SPATA13: variants seen among roughly 807,000 people sequenced by gnomAD.
SPATA13 encodes the protein spermatogenesis-associated protein 13.
SPATA13 carries 50 observed loss-of-function variants against 104.0 expected under a neutral mutation model. The ratio of observed to expected loss-of-function variants is 0.48; its 90% confidence interval spans 0.38 to 0.61. The LOEUF (loss-of-function observed/expected upper bound fraction) is 0.61. Among genes scored for constraint, SPATA13 ranks in the 20% least tolerant of loss-of-function variants. The probability of loss-of-function intolerance (pLI) is 0.00; values close to 1 mark genes in which losing one functional copy is unlikely to be tolerated. For synonymous variants in SPATA13, 606 were observed against 667.5 expected, an observed-to-expected ratio of 0.91 and a Z score of 1.42; for missense variants, 1,524 against 1,690.6, an observed-to-expected ratio of 0.90 and a Z score of 1.73.
intron 3 of SPATA13, among the ~76,000 whole-genome samples, chr13:24,049,356 C>T (rs1878257486): frequency 6.6e-6 from 1 of 152,202 alleles, no homozygotes. Context: ...GCCTACAGTA[C>T]TCAGTACAGT....
Position 24,011,976 on chromosome 13 carries a change from A to G in SPATA13, c.-146-5691A>G, listed in dbSNP as rs547268533. Among the ~76,000 whole-genome samples the G allele has an allele frequency of 3.9e-4, 60 of 152,366 alleles. No homozygotes were observed. Among genetic ancestry groups the G allele is most frequent in the African/African-American group, 1.3e-3 (56 of 41,596 alleles). Reference sequence around the variant, plus strand: ...TACGGATTGTAAAACTCACAGGCACAGGGACCGGGGCTTGCCCACCACCCT... The same window carrying G: ...TACGGATTGTAAAACTCACAGGCACGGGGACCGGGGCTTGCCCACCACCCT... On this transcript the variant is annotated intron_variant, in intron 2 of 14. Coordinates refer to the SPATA13 transcript ENST00000424834. This position sits in a 1 kb window ranked among gnomAD's most constrained non-coding sequence, Gnocchi z 4.3.
intron 3 of SPATA13, among the ~76,000 whole-genome samples, chr13:24,066,598 A>T (rs1455912161): frequency 6.6e-6 from 1 of 152,134 alleles, no homozygotes; most frequent in Admixed American, 6.5e-5. Flanking sequence ...CATGGAGGGG[A>T]CAGCAGGTGC....
intron 3 of SPATA13, among the ~76,000 whole-genome samples, chr13:24,130,596 G>T (rs1881363418): frequency 6.6e-6 from 1 of 152,204 alleles, no homozygotes; most frequent in Admixed American, 6.5e-5. Context: ...GAAGTTTAAA[G>T]GTGGCCAGCT....
At chr13:24,023,959 A>C (rs1877091902) in intron 3 of SPATA13, among the ~76,000 whole-genome samples, 1 of 152,232 alleles carries the variant, frequency 6.6e-6, no homozygotes, top group Non-Finnish European at 1.5e-5. Flanking sequence ...GGACGCTAAT[A>C]TCATAGTCAG....
intron 1 of SPATA13, among the ~76,000 whole-genome samples, chr13:24,212,847 T>C (rs1465097360): frequency 6.6e-6 from 1 of 152,252 alleles, no homozygotes; most frequent in Non-Finnish European, 1.5e-5. Flanking sequence ...CTTGTGTTAT[T>C]GACCCCTGAA....
chr13:24,137,430 T>TA (rs1258498143), intron 3 of SPATA13, among the ~76,000 whole-genome samples: 2 of 152,196 alleles, frequency 1.3e-5, no homozygotes, highest in Admixed American at 6.5e-5. Flanking sequence ...TAAAAATACT[T>TA]ACAACCTTCT....
chr13:24,143,454 G>T (rs550051636), intron 3 of SPATA13, among the ~76,000 whole-genome samples: 1 of 152,178 alleles, frequency 6.6e-6, no homozygotes, highest in African/African-American at 2.4e-5. Context: ...TGCTGGCAGT[G>T]CTCTCATTCC....
At chr13:23,982,941 C>T (rs938498610) in intron 1 of SPATA13, among the ~76,000 whole-genome samples, 7 of 152,162 alleles carry the variant, frequency 4.6e-5, no homozygotes, top group Non-Finnish European at 8.8e-5. Context: ...GCTGCTCTGC[C>T]GTCTGGGAAG....
intron 2 of SPATA13, among the ~76,000 whole-genome samples, chr13:23,990,479 CT>C (rs1875361855): frequency 6.6e-6 from 1 of 152,150 alleles, no homozygotes; most frequent in Non-Finnish European, 1.5e-5. Flanking sequence ...GTTTCAGCAC[CT>C]TTGAATCTGC....
At chr13:24,034,717 G>A (rs1049692292) in intron 3 of SPATA13, 6 of 152,224 alleles carry the variant, frequency 3.9e-5, no homozygotes, top group African/African-American at 1.2e-4. Flanking sequence ...CAGTGGGTAC[G>A]GCACCTACAC....
At chr13:24,023,924 G>A (rs1485910226) in intron 3 of SPATA13, among the ~76,000 whole-genome samples, 2 of 152,202 alleles carry the variant, frequency 1.3e-5, no homozygotes, top group African/African-American at 4.8e-5. Flanking sequence ...GATTTGTTCA[G>A]CAGCAGCAGG....
rs1233825323 is a variant in SPATA13 at position 24,284,245 on chromosome 13, G to A, written c.2275G>A (p.Gly759Ser). 7 of 1,613,456 alleles carry A rather than the reference G, an allele frequency of 4.3e-6. No individual in the cohort carries two copies. The highest frequency in any genetic ancestry group is 2.2e-5 in the South Asian group (2 of 91,004). ...GGCCAGCCCTCGGTACCTGCAGCCCGGCGGGGAGCAGCTGGCCATCAATGA... is the reference window on the plus strand; with the variant it reads ...GGCCAGCCCTCGGTACCTGCAGCCCAGCGGGGAGCAGCTGGCCATCAATGA... ...CQASPRYLQP[G>S]GEQLAINELI... The change falls in exon 5 of 13, where the codon GGC becomes AGC. Residue 759 changes from glycine to serine, a missense_variant. Gly to Ser is a moderately conservative substitution (Grantham distance 56). Around this residue, in one of 2 missense-constraint regions of SPATA13, gnomAD observed 1,089 missense variants for 1,135.9 expected, o/e 0.96. Transcript: ENST00000382108.
At chr13:24,213,670 T>C (rs1421085556) in intron 1 of SPATA13, among the ~76,000 whole-genome samples, 1 of 152,236 alleles carries the variant, frequency 6.6e-6, no homozygotes, top group Admixed American at 6.5e-5. Context: ...CATCTTTTCA[T>C]AGAAGTATGA....
At chr13:24,169,708 C>G (rs1245340522) in intron 1 of SPATA13, among the ~76,000 whole-genome samples, 1 of 152,198 alleles carries the variant, frequency 6.6e-6, no homozygotes, top group Non-Finnish European at 1.5e-5. Flanking sequence ...TCCTCTCACT[C>G]AAGCTCTCTG....
rs56078056 is a variant in SPATA13 at position 24,286,168 on chromosome 13, G to T, written c.2302-46G>T. On this transcript the variant is annotated intron_variant, in intron 5 of 12. Transcript: ENST00000382108. This position sits in a 1 kb window ranked among gnomAD's most constrained non-coding sequence, Gnocchi z 4.9. ...CACCTAGTGGCTCCCTCACCATCCCGCCCACTCGTGCTCTATGCTGAGCGC... is the reference window on the plus strand; with the variant it reads ...CACCTAGTGGCTCCCTCACCATCCCTCCCACTCGTGCTCTATGCTGAGCGC... The T allele has an allele frequency of 3.1e-5, 48 of 1,535,830 alleles. No individual in the cohort carries two copies. Among genetic ancestry groups the T allele is most frequent in the Non-Finnish European group, 4.0e-5 (45 of 1,136,390 alleles).
intron 3 of SPATA13, among the ~76,000 whole-genome samples, chr13:24,059,282 C>T (rs926278321): frequency 2.0e-5 from 3 of 151,568 alleles, no homozygotes; most frequent in Admixed American, 2.0e-4. Context: ...GGCCTGTGTA[C>T]TGTTGTAACC....
At chr13:24,258,869 G>A (rs1014095629) in intron 4 of SPATA13, among the ~76,000 whole-genome samples, 1 of 152,162 alleles carries the variant, frequency 6.6e-6, no homozygotes. Flanking sequence ...CCTCTTCCCC[G>A]TACGATCAAG....
intron 1 of SPATA13, among the ~76,000 whole-genome samples, chr13:24,166,789 C>G (rs1882750628): frequency 6.6e-6 from 1 of 152,226 alleles, no homozygotes; most frequent in South Asian, 2.1e-4. Context: ...ATGTCTGCCT[C>G]ATAGTATTTG....
intron 3 of SPATA13, among the ~76,000 whole-genome samples, chr13:24,082,844 A>T (rs1171621348): frequency 6.6e-6 from 1 of 150,856 alleles, no homozygotes; most frequent in South Asian, 2.1e-4. Flanking sequence ...AAAAAAAAAA[A>T]AAAAAAAAAA....
Sources: allele counts gnomAD v4.1 joint callset (sites outside exome capture counted in the v4.1 genomes callset), GRCh38; gene constraint gnomAD v4.1.1; regional missense constraint gnomAD v4.1.1; non-coding constraint Gnocchi (gnomAD v3.1); transcripts MANE v1.5; gene names NCBI Gene and HGNC (gene_info 2026-07-23, HGNC 2026-07-21).